TFAP2D: variants seen among roughly 807,000 people sequenced by gnomAD.
TFAP2D encodes transcription factor AP-2 delta, also known as transcription factor AP-2-delta.
Under a neutral mutation model 43.6 loss-of-function variants are expected in TFAP2D, and 9 were observed. The observed-to-expected ratio is 0.21, with a 90% CI of 0.12 to 0.36. TFAP2D has a LOEUF of 0.36. TFAP2D is among the 10% of genes least tolerant of loss of function. The pLI is 1.00. For missense variants in TFAP2D, 513 were observed against 561.4 expected (o/e 0.91, Z 0.87); for synonymous variants, 256 against 224.9 (o/e 1.14, Z -1.24).
intron 7 of TFAP2D, among the ~76,000 whole-genome samples, chr6:50,767,592 G>C (rs577610146): frequency 6.6e-6 from 1 of 152,156 alleles, no homozygotes; most frequent in Admixed American, 6.5e-5. Flanking sequence ...TCCTTTGGAA[G>C]TAACACACCT....
intron 5 of TFAP2D, among the ~76,000 whole-genome samples, chr6:50,732,863 A>G (rs1768913209): frequency 1.3e-5 from 2 of 152,102 alleles, no homozygotes; most frequent in African/African-American, 4.8e-5. Flanking sequence ...TTAAAAAATT[A>G]TTTTAAAAAT....
intron 5 of TFAP2D, among the ~76,000 whole-genome samples, chr6:50,741,769 A>G (rs1581768525): frequency 6.8e-6 from 1 of 147,508 alleles, no homozygotes; most frequent in African/African-American, 2.5e-5. Context: ...GTAGCTCTGA[A>G]AAAAAAAAAA....
chr6:50,715,620 A>C lies in TFAP2D; in HGVS notation c.537+7A>C. On this transcript the variant is annotated splice_region_variant and intron_variant, in intron 2 of 7. Transcript: ENST00000008391. ...GGGAGCAGACGACTTGCAGGTAAAT[A>C]AGCATGCAGCGAATTTGTCTGCTCC... is the stretch of plus-strand genomic sequence containing the variant. The C allele has an allele frequency of 6.3e-7, 1 of 1,584,796 alleles. No individual in the cohort carries two copies. The highest frequency in any genetic ancestry group is 8.6e-7 in the Non-Finnish European group (1 of 1,165,084).
chr6:50,760,857 C>A (rs970729848), intron 7 of TFAP2D, among the ~76,000 whole-genome samples: 1 of 151,254 alleles, frequency 6.6e-6, no homozygotes, highest in South Asian at 2.1e-4. Context: ...TAAGGTTGGG[C>A]GGAGAAGACC....
chr6:50,729,143 T>C lies in TFAP2D; in HGVS notation c.765-51T>C, dbSNP rs754630713. 4 of 1,608,106 alleles carry C rather than the reference T, an allele frequency of 2.5e-6. No individual in the cohort carries two copies. In the African/African-American group the frequency reaches 4.0e-5, roughly 16 times the overall value. Reference sequence around the variant, plus strand: ...CATGTGGTCAAGTCGTCTCATAATTTTCATCAGAATGTGAAATTTCAAAAC... The same window carrying C: ...CATGTGGTCAAGTCGTCTCATAATTCTCATCAGAATGTGAAATTTCAAAAC... On this transcript the variant is annotated intron_variant, in intron 4 of 7. Transcript: ENST00000008391.
At chr6:50,767,684 T>C (rs887549789) in intron 7 of TFAP2D, among the ~76,000 whole-genome samples, 1 of 152,118 alleles carries the variant, frequency 6.6e-6, no homozygotes, top group African/African-American at 2.4e-5. Flanking sequence ...GGAATTTCAA[T>C]TGGCTGAGAG....
chr6:50,753,695 A>G (rs886728429), intron 7 of TFAP2D, among the ~76,000 whole-genome samples: 1 of 151,968 alleles, frequency 6.6e-6, no homozygotes, highest in African/African-American at 2.4e-5. Flanking sequence ...GCATAACCAT[A>G]TCTTAAAACT....
intron 7 of TFAP2D, among the ~76,000 whole-genome samples, chr6:50,765,251 C>A (rs1383918520): frequency 6.6e-6 from 1 of 152,134 alleles, no homozygotes; most frequent in Non-Finnish European, 1.5e-5. Flanking sequence ...GTCAAAATGG[C>A]AAAATTGCCT....
intron 5 of TFAP2D, among the ~76,000 whole-genome samples, chr6:50,730,473 T>C (rs1321833871): frequency 3.9e-5 from 6 of 151,992 alleles, no homozygotes; most frequent in African/African-American, 1.5e-4. Context: ...GTAGATGGCT[T>C]TAACCTATCA....
chr6:50,715,122 C>G lies in TFAP2D; in HGVS notation c.46C>G (p.His16Asp). 1 of 1,613,894 alleles carries G rather than the reference C, an allele frequency of 6.2e-7. No individual in the cohort carries two copies. The highest frequency in any genetic ancestry group is 8.5e-7 in the Non-Finnish European group (1 of 1,179,874). ...PGLVHDAEIR[H>D]DGSNSYRLMQ... ...TTCCCCCTCTTCCTTCCAGATACGT[C>G]ACGACGGATCAAACAGCTACCGTTT... Residue 16 changes from histidine (H) to aspartate (D), a missense_variant, in exon 2 of 8, where the codon CAC becomes GAC. By Grantham distance (81) the His-to-Asp change is moderately conservative. Coordinates refer to ENST00000008391, the MANE Select transcript of TFAP2D (RefSeq NM_172238.4).
chr6:50,717,665 A>C (rs150048420), intron 2 of TFAP2D, among the ~76,000 whole-genome samples: 1 of 152,256 alleles, frequency 6.6e-6, no homozygotes, highest in African/African-American at 2.4e-5. Context: ...AGATATATCC[A>C]TGTATGTATA....
At position 50,715,487 on chromosome 6, in the gene TFAP2D, C is replaced by G. The variant is rs781312592; in HGVS notation, c.411C>G (p.Leu137=). 6.2e-6 allele frequency: 10 copies of G among 1,613,646 alleles called. No individual in the cohort carries two copies. Among genetic ancestry groups the G allele is most frequent in the African/African-American group, 1.3e-5 (1 of 74,918 alleles). Residue 137 remains leucine (L), a synonymous_variant, in exon 2 of 8, where the codon CTC becomes CTG. Coordinates refer to ENST00000008391, the MANE Select transcript of TFAP2D (RefSeq NM_172238.4). The part of the protein sequence containing the change: ...LDEQRRELGC[L]DAYRRHDLSL... ...AGCAGAGGCGGGAGCTGGGCTGCCT[C>G]GATGCCTACCGCCGCCATGACCTGT...
At chr6:50,757,767 A>C (rs1448008783) in intron 7 of TFAP2D, among the ~76,000 whole-genome samples, 2 of 104,972 alleles carry the variant, frequency 1.9e-5, no homozygotes, top group Admixed American at 2.5e-4. Flanking sequence ...ATATATATAG[A>C]ATATATATAA....
At chr6:50,742,594 A>G (rs907485445) in intron 5 of TFAP2D, among the ~76,000 whole-genome samples, 1 of 150,772 alleles carries the variant, frequency 6.6e-6, no homozygotes, top group Admixed American at 6.7e-5. Flanking sequence ...AGATAGATAG[A>G]TAGATAGATA....
intron 5 of TFAP2D, among the ~76,000 whole-genome samples, chr6:50,732,484 G>GA (rs1033805111): frequency 2.6e-5 from 4 of 151,914 alleles, no homozygotes; most frequent in African/African-American, 9.7e-5. Context: ...GAGCATAGGA[G>GA]AAAAAAATAT....
intron 7 of TFAP2D, among the ~76,000 whole-genome samples, chr6:50,769,751 AC>A (rs1369768239): frequency 1.3e-5 from 2 of 152,208 alleles, no homozygotes; most frequent in Non-Finnish European, 2.9e-5. Flanking sequence ...CCTGGGAGGA[AC>A]ATAAGTACAG....
chr6:50,733,763 A>G (rs1464258285), intron 5 of TFAP2D, among the ~76,000 whole-genome samples: 1 of 152,050 alleles, frequency 6.6e-6, no homozygotes, highest in Non-Finnish European at 1.5e-5. Context: ...AAGTTCCAAG[A>G]TGAATGACAT....
At chr6:50,757,885 T>C (rs1769312058) in intron 7 of TFAP2D, among the ~76,000 whole-genome samples, 1 of 143,472 alleles carries the variant, frequency 7.0e-6, no homozygotes, top group Non-Finnish European at 1.5e-5. Flanking sequence ...CAATAGAAGA[T>C]TAAGCATACT....
chr6:50,720,196 TG>T (rs1279951286), intron 3 of TFAP2D, among the ~76,000 whole-genome samples: 1 of 152,182 alleles, frequency 6.6e-6, no homozygotes, highest in African/African-American at 2.4e-5. Context: ...TCTCTTCTGA[TG>T]GGACCAAATA....
Sources: gnomAD v4.1 joint callset for allele counts (sites outside exome capture counted in the v4.1 genomes callset) on GRCh38, gnomAD v4.1.1 for gene constraint, MANE v1.5 for transcripts, NCBI Gene and HGNC (gene_info 2026-07-23, HGNC 2026-07-21) for gene names.